The following SPRY3 variants were observed in gnomAD, a reference collection of about 807,000 sequenced individuals.
SPRY3 encodes sprouty RTK signaling antagonist 3.
Under a neutral mutation model 20.2 loss-of-function variants are expected in SPRY3, and 15 were observed. That is an observed-to-expected ratio of 0.74 (90% CI 0.50 to 1.14). SPRY3 has a LOEUF of 1.14. Among genes scored for constraint, SPRY3 ranks in the 50% most tolerant of loss-of-function variants. The pLI is 0.00. For missense variants in SPRY3, 364 were observed against 363.9 expected, an observed-to-expected ratio of 1.00 and a Z score of 0.00; for synonymous variants, 143 against 136.5, an observed-to-expected ratio of 1.05 and a Z score of -0.33.
At position 155,755,126 on chromosome X, in the gene SPRY3, A is replaced by C. The variant is rs780992190; in HGVS notation, c.-281-12836A>C. Among the ~76,000 whole-genome samples, 1,355 of 142,942 alleles carry C rather than the reference A, an allele frequency of 9.5e-3. 14 individuals carry two copies. The highest frequency in any genetic ancestry group is 0.039 in the African/African-American group (1,280 of 33,230). 93.8% of individuals were successfully genotyped at this position (142,942 alleles called of 152,430 possible). ...GTAACAGCAGTGGAAAAAATAAGTAAAAAGTCTAACTGGAGAGTAATGAGA... is the reference window on the plus strand; with the variant it reads ...GTAACAGCAGTGGAAAAAATAAGTACAAAGTCTAACTGGAGAGTAATGAGA... On this transcript the variant is annotated intron_variant, in intron 2 of 3. Coordinates refer to ENST00000675360, the Ensembl canonical transcript of SPRY3.
intron 2 of SPRY3, among the ~76,000 whole-genome samples, chrX:155,694,474 C>T (rs73249612): frequency 1.8e-5 from 2 of 111,469 alleles, no homozygotes; most frequent in African/African-American, 3.3e-5. Context: ...CCTTTTGGCA[C>T]CAGGCACCAG....
At position 155,740,216 on chromosome X, in the gene SPRY3, A is replaced by G. The variant is rs1310475808; in HGVS notation, c.-281-27746A>G. 5.3e-5 allele frequency among the ~76,000 whole-genome samples: 8 copies of G among 152,308 alleles called. No homozygotes were observed. The East Asian group carries it at 7.7e-4, about 15-fold the overall frequency. The stretch of plus-strand genomic sequence containing the variant: ...GGATGTATGTCACCTCAGGACCACT[A>G]TTGTGTTAACTGTACAAATTGATTG... On this transcript the variant is annotated intron_variant, in intron 2 of 3. Transcript: ENST00000675360.
intron 2 of SPRY3, among the ~76,000 whole-genome samples, chrX:155,724,492 G>T (rs2091084286): frequency 6.6e-6 from 1 of 152,090 alleles, no homozygotes; most frequent in South Asian, 2.1e-4. Context: ...CCTTGAAGAG[G>T]TCCTTCACAT....
At chrX:155,776,305 G>T (rs2091425354) in exon 4 of SPRY3, 1 of 167,086 alleles carries the variant, frequency 6.0e-6, no homozygotes, top group African/African-American at 2.4e-5. Flanking sequence ...TAACCAAGCT[G>T]TATCTTCGCC....
intron 2 of SPRY3, among the ~76,000 whole-genome samples, chrX:155,669,494 TAAAAC>T (rs1232013017): frequency 9.0e-6 from 1 of 110,810 alleles, no homozygotes; most frequent in Non-Finnish European, 1.9e-5. Flanking sequence ...TCAGCTAGTA[TAAAAC>T]AAAACAAAAC....
chrX:155,727,034 A>G (rs1320273409), intron 2 of SPRY3, among the ~76,000 whole-genome samples: 1 of 152,082 alleles, frequency 6.6e-6, no homozygotes, highest in Non-Finnish European at 1.5e-5. Flanking sequence ...CTTGTCTCTA[A>G]AGGAGTTTAT....
In SPRY3 at chrX:155,767,799, C is replaced by A. The variant is rs143558755; in HGVS notation, c.-281-163C>A. ...AAGAGGAGGAGGTGAACAACTTACC[C>A]TGCTGAGCTTTCTTTGGGAAATACG... On this transcript the variant is annotated intron_variant, in intron 2 of 3. Coordinates refer to ENST00000675360, the Ensembl canonical transcript of SPRY3. The A allele has an allele frequency of 4.6e-3, 635 of 138,028 alleles. 9 individuals are homozygous for A. Among genetic ancestry groups the A allele is most frequent in the African/African-American group, 0.016 (613 of 37,962 alleles). The allele number at this position is 138,028 out of a possible 1,614,324, so 8.6% of individuals were successfully genotyped here. A position where few individuals can be genotyped will look rare whatever the true frequency, so the allele number is the denominator to read the frequency against.
chrX:155,774,957 G>A, exon 4 of SPRY3: 1 of 607,406 alleles, frequency 1.6e-6, no homozygotes, highest in Non-Finnish European at 2.9e-6. Context: ...TTTACACCCT[G>A]CCAGCTCAGC....
At chrX:155,764,777 A>G (rs1372738385) in intron 2 of SPRY3, among the ~76,000 whole-genome samples, 4 of 152,208 alleles carry the variant, frequency 2.6e-5, no homozygotes, top group African/African-American at 4.8e-5. Flanking sequence ...AGAGGTGATT[A>G]GGCAAGGCTT....
chrX:155,744,643 C>A (rs1408093990), intron 2 of SPRY3, among the ~76,000 whole-genome samples: 1 of 151,942 alleles, frequency 6.6e-6, no homozygotes, highest in Non-Finnish European at 1.5e-5. Flanking sequence ...AAAAATACAA[C>A]ATGAGTGCAG....
chrX:155,712,499 C>T (rs1483363406), intron 2 of SPRY3, among the ~76,000 whole-genome samples: 1 of 151,966 alleles, frequency 6.6e-6, no homozygotes, highest in Non-Finnish European at 1.5e-5. Flanking sequence ...ATATGTATAG[C>T]TACTTCTGCT....
At chrX:155,642,684 C>T (rs188151493) in intron 1 of SPRY3, among the ~76,000 whole-genome samples, 194 of 111,472 alleles carry the variant, frequency 1.7e-3, no homozygotes, top group African/African-American at 6.0e-3. Context: ...TTTCCATTAT[C>T]ATTTGTTTCA....
intron 2 of SPRY3, among the ~76,000 whole-genome samples, chrX:155,725,828 C>T (rs1393367993): frequency 6.6e-6 from 1 of 152,042 alleles, no homozygotes; most frequent in Non-Finnish European, 1.5e-5. Context: ...TTCAGTTCTG[C>T]TCTGGTCTTA....
intron 2 of SPRY3, among the ~76,000 whole-genome samples, chrX:155,662,334 A>C (rs184161699): frequency 3.6e-4 from 40 of 110,791 alleles, no homozygotes; most frequent in African/African-American, 1.1e-3. Context: ...AAATAGGCTT[A>C]ATGTGGTGGT....
At chrX:155,641,209 A>G (rs2067938923) in intron 1 of SPRY3, among the ~76,000 whole-genome samples, 1 of 112,155 alleles carries the variant, frequency 8.9e-6, no homozygotes, top group South Asian at 3.7e-4. Flanking sequence ...TGTTGATATG[A>G]TGTACTGCAT....
At chrX:155,658,382 G>A (rs782689268) in intron 2 of SPRY3, among the ~76,000 whole-genome samples, 24 of 111,425 alleles carry the variant, frequency 2.2e-4, no homozygotes, top group African/African-American at 7.8e-4. Flanking sequence ...TTTGTAGTTC[G>A]CTTTGTAAGG....
intron 3 of SPRY3, 82 bp downstream of exon 2, chrX:155,768,218 G>T (rs1396629616): frequency 7.7e-6 from 1 of 129,350 alleles, no homozygotes; most frequent in Non-Finnish European, 1.6e-5. Context: ...CAGCCATCCT[G>T]TGCTGTCTCT....
intron 1 of SPRY3, among the ~76,000 whole-genome samples, chrX:155,614,308 A>G (rs2067843365): frequency 8.9e-6 from 1 of 112,126 alleles, no homozygotes; most frequent in African/African-American, 3.2e-5. Flanking sequence ...AGCATGATCC[A>G]ATGTCCTGTA....
chrX:155,665,323 AAT>A (rs1287753817), intron 2 of SPRY3, among the ~76,000 whole-genome samples: 32 of 111,409 alleles, frequency 2.9e-4, no homozygotes, highest in African/African-American at 9.4e-4. Flanking sequence ...ATATCTAATA[AAT>A]ATAGAGATAT....
Sources: allele counts gnomAD v4.1 joint callset (sites outside exome capture counted in the v4.1 genomes callset), GRCh38; gene constraint gnomAD v4.1.1; transcripts MANE v1.5; gene names NCBI Gene and HGNC (gene_info 2026-07-23, HGNC 2026-07-21).